The following RNF212 variants were observed in gnomAD, a reference collection of about 807,000 sequenced individuals.
The protein encoded by RNF212 is ring finger protein 212, also known as probable E3 SUMO-protein ligase RNF212.
A neutral mutation model predicts 34.7 loss-of-function variants in RNF212; 33 were observed. That is an observed-to-expected ratio of 0.95 (90% CI 0.72 to 1.27). RNF212 has a LOEUF of 1.27. Among genes scored for constraint, RNF212 ranks in the 50% most tolerant of loss-of-function variants. The probability of loss-of-function intolerance (pLI) is 0.00; values close to 1 mark genes in which losing one functional copy is unlikely to be tolerated. For missense variants in RNF212, 377 were observed against 362.2 expected, an observed-to-expected ratio of 1.04 and a Z score of -0.33; for synonymous variants, 140 against 136.1, an observed-to-expected ratio of 1.03 and a Z score of -0.20.
chr4:1,092,162 T>G (rs1722285059), intron 3 of RNF212, among the ~76,000 whole-genome samples: 1 of 152,188 alleles, frequency 6.6e-6, no homozygotes, highest in South Asian at 2.1e-4. Context: ...CTTCACATGT[T>G]CGTGGAGGAA....
chr4:1,056,865 G>A lies in RNF212; in HGVS notation n.221-362C>T, dbSNP rs3816474. On this transcript the variant is annotated intron_variant and non_coding_transcript_variant, in intron 4 of 4. Coordinates refer to the RNF212 transcript ENST00000503206. ...AAACACTGCCTCTGCAGCAGGCTGG[G>A]GATGCTGATGGGCGGCCGGGGGGGC... 785,539 of 987,636 alleles carry A rather than the reference G, an allele frequency of 0.8. 313,479 individuals are homozygous for A. The highest frequency in any genetic ancestry group is 0.96 in the African/African-American group (55,315 of 57,402). 61.2% of individuals were successfully genotyped at this position (987,636 alleles called of 1,614,324 possible). A position where few individuals can be genotyped will look rare whatever the true frequency, so the allele number is the denominator to read the frequency against.
In RNF212 at chr4:1,090,807, C is replaced by G. The variant is rs538442566; in HGVS notation, c.278G>C (p.Arg93Thr). The G allele has an allele frequency of 6.3e-7, 1 of 1,594,616 alleles. No individual in the cohort carries two copies. The highest frequency in any genetic ancestry group is 8.6e-7 in the Non-Finnish European group (1 of 1,163,210). ...CTTTTCTCTATAGAAGGCTAACAAT[C>G]TCTTCCTGTGTTTTTCTTGAAATTC... ...ILEFQEKHRK[R>T]LLAFYREKIS... Residue 93 changes from arginine (R) to threonine (T), a missense_variant, in exon 4 of 10, where the codon AGA (arginine) becomes ACA (threonine). Arg to Thr is a moderately conservative substitution (Grantham distance 71). Transcript: ENST00000433731.
chr4:1,094,780 C>T (rs1224430016), intron 3 of RNF212, among the ~76,000 whole-genome samples: 1 of 152,164 alleles, frequency 6.6e-6, no homozygotes, highest in African/African-American at 2.4e-5. Flanking sequence ...GTGGGGAGGG[C>T]TCCCAAACCT....
chr4:1,056,974 TC>T (rs1717362906), intron 4 of RNF212: 2 of 987,590 alleles, frequency 2.0e-6, no homozygotes, highest in South Asian at 9.4e-5. Flanking sequence ...TTAGTGGGGG[TC>T]CCTTGTAGGG....
At chr4:1,092,213 T>G (rs1192640168) in intron 3 of RNF212, among the ~76,000 whole-genome samples, 1 of 152,236 alleles carries the variant, frequency 6.6e-6, no homozygotes, top group Non-Finnish European at 1.5e-5. Context: ...TGGGGGTGCC[T>G]GGTCTGGCTG....
At chr4:1,063,646 G>C (rs1445555722) in intron 3 of RNF212, among the ~76,000 whole-genome samples, 1 of 150,360 alleles carries the variant, frequency 6.7e-6, no homozygotes, top group Non-Finnish European at 1.5e-5. Context: ...GTTGCAGTGA[G>C]ATCACACCAT....
intron 1 of RNF212, among the ~76,000 whole-genome samples, chr4:1,109,759 T>C (rs1725367872): frequency 6.6e-6 from 1 of 152,032 alleles, no homozygotes; most frequent in Non-Finnish European, 1.5e-5. Flanking sequence ...ACAACCCACT[T>C]CACGCTACCT....
chr4:1,096,576 C>A, intron 3 of RNF212, 189 bp downstream of exon 3: 7 of 616,424 alleles, frequency 1.1e-5, no homozygotes, highest in East Asian at 2.8e-5. Flanking sequence ...AGCACAACTC[C>A]CACAGCTCCA....
intron 3 of RNF212, among the ~76,000 whole-genome samples, chr4:1,061,062 T>C (rs1036018359): frequency 1.1e-4 from 17 of 152,192 alleles, no homozygotes; most frequent in Admixed American, 8.5e-4. Flanking sequence ...CAGAAAACAT[T>C]GACTCCTGAA....
At chr4:1,075,393 A>G (rs1719120560) in intron 8 of RNF212, among the ~76,000 whole-genome samples, 1 of 152,196 alleles carries the variant, frequency 6.6e-6, no homozygotes. Flanking sequence ...GCTTCTGGGG[A>G]GGCCTTGGGA....
intron 2 of RNF212, chr4:1,101,352 C>G (rs1294857442): frequency 4.4e-6 from 1 of 228,668 alleles, no homozygotes; most frequent in Admixed American, 4.4e-5. Context: ...AGGGAAACCA[C>G]CTAGCTTTGT....
chr4:1,104,190 A>G (rs1724454942), intron 2 of RNF212, among the ~76,000 whole-genome samples: 1 of 152,270 alleles, frequency 6.6e-6, no homozygotes. Context: ...TAAGTCCACA[A>G]TAACAATCCC....
chr4:1,065,119 T>TA (rs1718007436), intron 3 of RNF212, among the ~76,000 whole-genome samples: 1 of 152,224 alleles, frequency 6.6e-6, no homozygotes, highest in South Asian at 2.1e-4. Context: ...AAGCATCTCT[T>TA]AGAGACCCTG....
chr4:1,102,257 A>C (rs1724100447), intron 2 of RNF212, among the ~76,000 whole-genome samples: 1 of 152,244 alleles, frequency 6.6e-6, no homozygotes, highest in African/African-American at 2.4e-5. Context: ...GTTTTTGAAA[A>C]TACAGTCATC....
At chr4:1,066,436 C>A (rs975936550) in intron 3 of RNF212, among the ~76,000 whole-genome samples, 1 of 152,232 alleles carries the variant, frequency 6.6e-6, no homozygotes, top group Middle Eastern at 3.4e-3. Context: ...TCAAGCAATT[C>A]GCCCACTTCA....
chr4:1,068,493 G>A (rs28579427), downstream of RNF212, among the ~76,000 whole-genome samples: 25,508 of 152,100 alleles, frequency 0.17, 3,258 homozygotes, highest in African/African-American at 0.36. Context: ...CCATCTCCTC[G>A]CTCTTCCTTT....
intron 8 of RNF212, among the ~76,000 whole-genome samples, chr4:1,079,164 T>C (rs1383863348): frequency 1.4e-5 from 2 of 142,940 alleles, no homozygotes; most frequent in East Asian, 2.1e-4. Flanking sequence ...AGGACCAACA[T>C]AGGACCAACA....
intron 2 of RNF212, among the ~76,000 whole-genome samples, chr4:1,097,527 C>T (rs1723251926): frequency 6.6e-6 from 1 of 151,928 alleles, no homozygotes; most frequent in African/African-American, 2.4e-5. Flanking sequence ...ATGGCATGAA[C>T]CCAGGAGGCA....
intron 1 of RNF212, among the ~76,000 whole-genome samples, chr4:1,108,982 T>A (rs1237617280): frequency 6.6e-6 from 1 of 150,758 alleles, no homozygotes; most frequent in African/African-American, 2.4e-5. Context: ...ATTGTAGGCG[T>A]GAGCCACTGT....
Sources: allele counts gnomAD v4.1 joint callset (sites outside exome capture counted in the v4.1 genomes callset), GRCh38; gene constraint gnomAD v4.1.1; transcripts MANE v1.5; gene names NCBI Gene and HGNC (gene_info 2026-07-23, HGNC 2026-07-21).